B4GALT6: variants seen among roughly 807,000 people sequenced by gnomAD.
B4GALT6 encodes the protein beta-1,4-galactosyltransferase 6.
In B4GALT6, 14 loss-of-function variants were observed where a neutral mutation model predicts 46.3. That is an observed-to-expected ratio of 0.30 (90% CI 0.20 to 0.47). The LOEUF is 0.47. Ranked by LOEUF, B4GALT6 falls within the 20% of genes least tolerant of loss-of-function variation. The pLI, the probability that B4GALT6 is intolerant of heterozygous loss-of-function variation, is 0.99. For missense variants in B4GALT6, 386 were observed against 480.1 expected (o/e 0.80, Z 1.83); for synonymous variants, 168 against 162.0 (o/e 1.04, Z -0.28).
intron 1 of B4GALT6, among the ~76,000 whole-genome samples, chr18:31,670,772 ATACTTT>A (rs1224124084): frequency 3.3e-5 from 5 of 152,080 alleles, no homozygotes; most frequent in Non-Finnish European, 7.4e-5. Flanking sequence ...TTTTATTATT[ATACTTT>A]AAGTTCTGGG....
At chr18:31,698,651 A>G in the B4GALT6 span, among the ~76,000 whole-genome samples, 1 of 152,076 alleles carries the variant, frequency 6.6e-6, no homozygotes, top group Non-Finnish European at 1.5e-5. Flanking sequence ...AAAAAAAGGA[A>G]AAAACACAAC....
At chr18:31,643,604 T>C (rs980439488) in intron 4 of B4GALT6, among the ~76,000 whole-genome samples, 1 of 152,220 alleles carries the variant, frequency 6.6e-6, no homozygotes, top group Non-Finnish European at 1.5e-5. Context: ...CTGAATTAGT[T>C]TGTTCCCAGG....
chr18:31,679,482 G>A (rs1278043193), intron 1 of B4GALT6, among the ~76,000 whole-genome samples: 1 of 152,224 alleles, frequency 6.6e-6, no homozygotes, highest in Admixed American at 6.5e-5. Flanking sequence ...GAGAAGGAGG[G>A]TAGCAAATCC....
intron 5 of B4GALT6, among the ~76,000 whole-genome samples, chr18:31,636,244 A>T (rs1460042492): frequency 6.6e-6 from 1 of 152,252 alleles, no homozygotes; most frequent in African/African-American, 2.4e-5. Context: ...AATATAATAC[A>T]AAAAGCCCAA....
intron 3 of B4GALT6, 33 bp downstream of exon 3, chr18:31,657,942 TA>T: frequency 6.5e-7 from 1 of 1,534,982 alleles, no homozygotes; most frequent in Non-Finnish European, 9.0e-7. Context: ...GTAACACAAG[TA>T]AACAGTTAAG....
chr18:31,684,171 G>A, intron 1 of B4GALT6, 141 bp downstream of exon 1: 4 of 1,370,796 alleles, frequency 2.9e-6, no homozygotes, highest in Non-Finnish European at 3.9e-6. Context: ...AGTTTGACAC[G>A]TCTGAAATAA....
At chr18:31,689,071 G>A (rs1048055021), upstream of B4GALT6, among the ~76,000 whole-genome samples, 1 of 152,172 alleles carries the variant, frequency 6.6e-6, no homozygotes, top group East Asian at 1.9e-4. Context: ...TAAAGTGAAG[G>A]CCCGACTACT....
At chr18:31,678,768 C>T (rs2074445842) in intron 1 of B4GALT6, among the ~76,000 whole-genome samples, 1 of 152,238 alleles carries the variant, frequency 6.6e-6, no homozygotes, top group African/African-American at 2.4e-5. Context: ...ATAGCTCTGG[C>T]TCCAGAAACC....
chr18:31,683,700 A>G (rs1246869131), intron 1 of B4GALT6, among the ~76,000 whole-genome samples: 2 of 152,206 alleles, frequency 1.3e-5, no homozygotes, highest in Admixed American at 6.5e-5. Context: ...CCTAACAGGT[A>G]GCAAAGGCAA....
intron 2 of B4GALT6, among the ~76,000 whole-genome samples, chr18:31,665,468 A>G (rs1188401713): frequency 6.6e-6 from 1 of 152,202 alleles, no homozygotes; most frequent in East Asian, 1.9e-4. Context: ...GGCCGGGCAC[A>G]GTGGCTCATG....
chr18:31,676,385 A>T (rs1400327700), intron 1 of B4GALT6, among the ~76,000 whole-genome samples: 1 of 152,234 alleles, frequency 6.6e-6, no homozygotes, highest in Non-Finnish European at 1.5e-5. Flanking sequence ...CTTTGAAATT[A>T]CTTCCACTGA....
intron 1 of B4GALT6, 117 bp from the exon 2 acceptor site, chr18:31,666,489 G>A (rs538075111): frequency 1.7e-5 from 7 of 415,722 alleles, no homozygotes; most frequent in East Asian, 1.1e-4. Flanking sequence ...CAATCAGCAC[G>A]TCCAAACGCA....
chr18:31,643,811 G>A (rs2073958549), intron 4 of B4GALT6, among the ~76,000 whole-genome samples: 1 of 152,126 alleles, frequency 6.6e-6, no homozygotes, highest in African/African-American at 2.4e-5. Flanking sequence ...ATCCTAAACT[G>A]TTCTACTAGT....
chr18:31,632,910 C>T (rs143420330), intron 5 of B4GALT6, among the ~76,000 whole-genome samples: 1 of 152,172 alleles, frequency 6.6e-6, no homozygotes, highest in African/African-American at 2.4e-5. Context: ...AAGCCCAACT[C>T]TCCCTTGCCC....
At chr18:31,648,931 CT>C (rs2144600067) in intron 3 of B4GALT6, among the ~76,000 whole-genome samples, 1 of 152,250 alleles carries the variant, frequency 6.6e-6, no homozygotes, top group South Asian at 2.1e-4. Flanking sequence ...GATATGTTGG[CT>C]TTTGTCTGTT....
intron 8 of B4GALT6, 63 bp from the exon 9 acceptor site, chr18:31,625,824 G>A: frequency 1.4e-6 from 2 of 1,396,162 alleles, no homozygotes; most frequent in South Asian, 2.9e-5. Context: ...AAACTGATAA[G>A]GACTGTGTTC....
At chr18:31,640,427 T>C (rs1215554088) in intron 4 of B4GALT6, among the ~76,000 whole-genome samples, 1 of 152,170 alleles carries the variant, frequency 6.6e-6, no homozygotes, top group African/African-American at 2.4e-5. Context: ...GTTTCATTTA[T>C]AAAGAGAACA....
At chr18:31,630,837 A>T in intron 6 of B4GALT6, 122 bp downstream of exon 6, 1 of 1,073,644 alleles carries the variant, frequency 9.3e-7, no homozygotes, top group Non-Finnish European at 1.4e-6. Flanking sequence ...CGATGGAGTT[A>T]AAGATGATAT....
intron 2 of B4GALT6, among the ~76,000 whole-genome samples, chr18:31,661,532 G>A (rs951316775): frequency 6.5e-4 from 98 of 151,842 alleles, no homozygotes; most frequent in African/African-American, 2.2e-3. Context: ...GCTAGTGTGC[G>A]CTCTCGCTCT....
Sources: gnomAD v4.1 joint callset for allele counts (sites outside exome capture counted in the v4.1 genomes callset) on GRCh38, gnomAD v4.1.1 for gene constraint, MANE v1.5 for transcripts, NCBI Gene and HGNC (gene_info 2026-07-23, HGNC 2026-07-21) for gene names.